ZFP64: variants seen among roughly 807,000 people sequenced by gnomAD.
The protein encoded by ZFP64 is zinc finger protein 64.
Under a neutral mutation model 51.6 loss-of-function variants are expected in ZFP64, and 14 were observed. That is an observed-to-expected ratio of 0.27 (90% CI 0.18 to 0.42). The LOEUF (loss-of-function observed/expected upper bound fraction) is 0.42, where lower values mean the gene tolerates loss of function less well. Among genes scored for constraint, ZFP64 ranks in the 10% least tolerant of loss-of-function variants. The pLI is 1.00. For synonymous variants in ZFP64, 375 were observed against 361.4 expected (o/e 1.04, Z -0.43); for missense variants, 754 against 906.8 (o/e 0.83, Z 2.16).
Position 52,084,936 on chromosome 20 carries a change from T to TC in ZFP64, c.1558dup (p.Asp520GlyfsTer7). The TC allele has an allele frequency of 1.2e-6, 2 of 1,613,760 alleles. No individual in the cohort carries two copies. Among genetic ancestry groups the TC allele is most frequent in the Non-Finnish European group, 1.7e-6 (2 of 1,179,994 alleles). On this transcript the variant is annotated frameshift_variant, in exon 9 of 9. Coordinates refer to the ZFP64 transcript ENST00000361387. LOFTEE classifies it high-confidence loss of function. ...GCAGAAGTCACACTTGAAGGGACGG[T>TC]CCTTACAGTGGACTCTGCTGTGCAC...
At chr20:52,145,724 A>G (rs1475203043) in intron 5 of ZFP64, among the ~76,000 whole-genome samples, 1 of 152,184 alleles carries the variant, frequency 6.6e-6, no homozygotes, top group African/African-American at 2.4e-5. Context: ...GACACTTATC[A>G]TGAATGGAGC....
At chr20:52,147,030 T>C (rs1386647943), downstream of ZFP64, among the ~76,000 whole-genome samples, 1 of 152,188 alleles carries the variant, frequency 6.6e-6, no homozygotes, top group Admixed American at 6.5e-5. Flanking sequence ...AAGAAGATAT[T>C]TGATAAAATT....
intron 5 of ZFP64, among the ~76,000 whole-genome samples, chr20:52,141,016 G>A (rs1045553578): frequency 1.3e-5 from 2 of 152,114 alleles, no homozygotes; most frequent in Non-Finnish European, 2.9e-5. Flanking sequence ...GAACCATGAA[G>A]GCTGGATGAC....
chr20:52,174,000 C>T (rs1982969459), intron 2 of ZFP64, among the ~76,000 whole-genome samples: 2 of 152,116 alleles, frequency 1.3e-5, no homozygotes, highest in South Asian at 4.1e-4. Context: ...TGATTAAATA[C>T]TTATTTGAGA....
At chr20:52,155,100 G>T (rs1981198839) in intron 5 of ZFP64, among the ~76,000 whole-genome samples, 1 of 152,110 alleles carries the variant, frequency 6.6e-6, no homozygotes, top group South Asian at 2.1e-4. Flanking sequence ...TTATTACAGA[G>T]AAAAAATTGT....
Position 52,143,539 on chromosome 20 carries a change from G to GT in ZFP64, c.763+16583dup, listed in dbSNP as rs879266044. Among the ~76,000 whole-genome samples the GT allele has an allele frequency of 1.9e-3, 253 of 131,640 alleles. 5 individuals carry two copies. Among genetic ancestry groups the GT allele is most frequent in the East Asian group, 1.6e-3 (6 of 3,728 alleles). 86.4% of individuals were successfully genotyped at this position (131,640 alleles called of 152,430 possible). ...TGTTTTTGAGCTATTTTACGACTTA[G>GT]TTTTTTTTTTTTTAGACACAGTCTC... On this transcript the variant is annotated intron_variant, in intron 5 of 8. Coordinates refer to the ZFP64 transcript ENST00000361387.
intron 2 of ZFP64, among the ~76,000 whole-genome samples, chr20:52,176,552 G>C (rs1983235174): frequency 6.7e-6 from 1 of 148,418 alleles, no homozygotes; most frequent in African/African-American, 2.5e-5. Context: ...GCCCAGGCCG[G>C]ACTGCGGACT....
intron 2 of ZFP64, among the ~76,000 whole-genome samples, chr20:52,183,255 G>C (rs183715904): frequency 1.3e-5 from 2 of 152,152 alleles, no homozygotes; most frequent in African/African-American, 4.8e-5. Flanking sequence ...AGGTGGGAAA[G>C]GTATTTCAGG....
chr20:52,163,099 G>T (rs574403864), intron 4 of ZFP64, among the ~76,000 whole-genome samples: 12 of 152,092 alleles, frequency 7.9e-5, no homozygotes, highest in Admixed American at 7.9e-4. Flanking sequence ...GGTAGCCCAC[G>T]CTTGTAATCC....
chr20:52,098,762 G>C (rs1294354828), intron 5 of ZFP64, among the ~76,000 whole-genome samples: 1 of 152,088 alleles, frequency 6.6e-6, no homozygotes, highest in Non-Finnish European at 1.5e-5. Flanking sequence ...CCAGCACTTT[G>C]GGAGGCTGAG....
intron 5 of ZFP64, among the ~76,000 whole-genome samples, chr20:52,117,081 GCACACA>G (rs74600972): frequency 6.6e-6 from 1 of 150,680 alleles, no homozygotes; most frequent in African/African-American, 2.4e-5. Context: ...ACACACACAC[GCACACA>G]CACACACACA....
At chr20:52,186,716 G>A (rs1022293272) in intron 2 of ZFP64, 116 bp downstream of exon 2, 1 of 1,383,938 alleles carries the variant, frequency 7.2e-7, no homozygotes, top group African/African-American at 1.4e-5. Context: ...TAAAAATAAT[G>A]AATCAGCAAC....
rs2078998534 is a variant in ZFP64 at position 52,097,271 on chromosome 20, G to A, written c.976+102C>T. The A allele has an allele frequency of 2.9e-6, 4 of 1,371,660 alleles. No homozygotes were observed. In the South Asian group the frequency reaches 4.7e-5, roughly 16 times the overall value. The allele number at this position is 1,371,660 out of a possible 1,614,324, so 85.0% of individuals were successfully genotyped here. A position where few individuals can be genotyped will look rare whatever the true frequency, so the allele number is the denominator to read the frequency against. On this transcript the variant is annotated intron_variant, in intron 7 of 8. Transcript: ENST00000361387. The stretch of plus-strand genomic sequence containing the variant: ...CCACTAGACTGAGTTTCATGAGGCA[G>A]ATGAGGCAGAGACTGTCCTGTTCAT...
intron 5 of ZFP64, among the ~76,000 whole-genome samples, chr20:52,121,689 T>C (rs988218659): frequency 6.6e-6 from 1 of 152,212 alleles, no homozygotes; most frequent in Non-Finnish European, 1.5e-5. Flanking sequence ...CTCCAGAAGA[T>C]GCAGCTAAGA....
intron 5 of ZFP64, chr20:52,104,975 G>C: frequency 2.4e-6 from 2 of 841,098 alleles, no homozygotes; most frequent in Non-Finnish European, 3.6e-6. Context: ...ACAAAGGCGG[G>C]GGGCGGGGAC....
At chr20:52,142,142 G>A (rs368098360) in intron 5 of ZFP64, among the ~76,000 whole-genome samples, 18 of 151,296 alleles carry the variant, frequency 1.2e-4, no homozygotes, top group African/African-American at 3.6e-4. Context: ...CAAGGTTTGC[G>A]GATGACCTGA....
At chr20:52,086,441 G>A (rs2078864775) in intron 8 of ZFP64, among the ~76,000 whole-genome samples, 1 of 151,202 alleles carries the variant, frequency 6.6e-6, no homozygotes, top group South Asian at 2.1e-4. Flanking sequence ...AATTTCAGAA[G>A]TCATCCACTC....
At chr20:52,166,945 TCC>T (rs34963386) in intron 2 of ZFP64, among the ~76,000 whole-genome samples, 39,450 of 150,886 alleles carry the variant, frequency 0.26, 5,284 homozygotes, top group Admixed American at 0.31. Flanking sequence ...CATAAGTATT[TCC>T]CCCCCTCAAA....
At chr20:52,142,065 G>A (rs773765900) in intron 5 of ZFP64, among the ~76,000 whole-genome samples, 21 of 152,048 alleles carry the variant, frequency 1.4e-4, no homozygotes, top group Non-Finnish European at 2.5e-4. Flanking sequence ...GGGAGGTAAG[G>A]GATAAGAAAT....
Sources: gnomAD v4.1 joint callset for allele counts (sites outside exome capture counted in the v4.1 genomes callset) on GRCh38, gnomAD v4.1.1 for gene constraint, MANE v1.5 for transcripts, NCBI Gene and HGNC (gene_info 2026-07-23, HGNC 2026-07-21) for gene names.